NDUFAF2: variants seen among roughly 807,000 people sequenced by gnomAD.
NDUFAF2 encodes NADH dehydrogenase [ubiquinone] 1 alpha subcomplex assembly factor 2.
A neutral mutation model predicts 22.8 loss-of-function variants in NDUFAF2; 13 were observed. That is an observed-to-expected ratio of 0.57 (90% CI 0.37 to 0.91). NDUFAF2 has a LOEUF of 0.91. NDUFAF2 is among the 40% of genes least tolerant of loss of function. The probability of loss-of-function intolerance (pLI) is 0.01; values close to 1 mark genes in which losing one functional copy is unlikely to be tolerated. For missense variants in NDUFAF2, 162 were observed against 195.2 expected, an observed-to-expected ratio of 0.83 and a Z score of 1.01; for synonymous variants, 53 against 64.2, an observed-to-expected ratio of 0.83 and a Z score of 0.84.
intron 1 of NDUFAF2, among the ~76,000 whole-genome samples, chr5:60,997,396 A>G (rs1049289611): frequency 1.3e-5 from 2 of 152,212 alleles, no homozygotes; most frequent in African/African-American, 4.8e-5. Context: ...TGTAAAAATA[A>G]TAAGTTAGCT....
intron 1 of NDUFAF2, among the ~76,000 whole-genome samples, chr5:61,070,431 T>C (rs1440895689): frequency 6.6e-6 from 1 of 152,104 alleles, no homozygotes; most frequent in African/African-American, 2.4e-5. Context: ...GATAAACATA[T>C]CTGATTACAA....
chr5:60,950,153 G>C (rs1166943816), intron 1 of NDUFAF2, among the ~76,000 whole-genome samples: 2 of 151,916 alleles, frequency 1.3e-5, no homozygotes, highest in East Asian at 1.9e-4. Flanking sequence ...TCTTTTTCTT[G>C]TTCCATATCT....
chr5:60,989,664 A>C (rs1370808086), intron 1 of NDUFAF2, among the ~76,000 whole-genome samples: 1 of 152,238 alleles, frequency 6.6e-6, no homozygotes, highest in Non-Finnish European at 1.5e-5. Context: ...CAAATACTGC[A>C]TGTGTTCTCT....
chr5:61,006,840 T>C (rs1751373014), intron 1 of NDUFAF2, among the ~76,000 whole-genome samples: 1 of 152,120 alleles, frequency 6.6e-6, no homozygotes, highest in Admixed American at 6.6e-5. Context: ...TTACTTAAAA[T>C]TAATGATCAT....
intron 1 of NDUFAF2, among the ~76,000 whole-genome samples, chr5:61,032,681 T>C (rs1751743730): frequency 6.6e-6 from 1 of 152,202 alleles, no homozygotes; most frequent in African/African-American, 2.4e-5. Flanking sequence ...TTTGTTCTTT[T>C]TGCTTAGGAT....
chr5:61,003,557 TG>T (rs1383024896), intron 1 of NDUFAF2, among the ~76,000 whole-genome samples: 1 of 151,432 alleles, frequency 6.6e-6, no homozygotes, highest in Non-Finnish European at 1.5e-5. Context: ...CTATGTGAAA[TG>T]TAAATAGCAA....
At chr5:61,112,475 G>A (rs1029272040) in intron 3 of NDUFAF2, among the ~76,000 whole-genome samples, 1 of 152,078 alleles carries the variant, frequency 6.6e-6, no homozygotes, top group Non-Finnish European at 1.5e-5. Flanking sequence ...GCCTCCCAAA[G>A]TGCTGGGATT....
intron 2 of NDUFAF2, among the ~76,000 whole-genome samples, chr5:61,097,878 A>G (rs1752663884): frequency 6.6e-6 from 1 of 152,174 alleles, no homozygotes; most frequent in African/African-American, 2.4e-5. Context: ...AACCATTACT[A>G]CTTAATGTAT....
intron 1 of NDUFAF2, among the ~76,000 whole-genome samples, chr5:61,028,611 A>G (rs1029938680): frequency 2.0e-5 from 3 of 152,078 alleles, no homozygotes; most frequent in Non-Finnish European, 4.4e-5. Context: ...ATTGATGAAC[A>G]TTTTAGTTGT....
intron 3 of NDUFAF2, among the ~76,000 whole-genome samples, chr5:61,112,088 T>G (rs559447795): frequency 6.6e-6 from 1 of 152,186 alleles, no homozygotes; most frequent in South Asian, 2.1e-4. Flanking sequence ...GTCTGTCTCT[T>G]TAGCTCTAAT....
intron 3 of NDUFAF2, among the ~76,000 whole-genome samples, chr5:61,122,200 C>T (rs929617236): frequency 6.6e-6 from 1 of 152,142 alleles, no homozygotes; most frequent in Non-Finnish European, 1.5e-5. Flanking sequence ...CAAATTTGAG[C>T]TTGGACTTGC....
At chr5:61,050,705 G>A (rs1316165704) in intron 1 of NDUFAF2, among the ~76,000 whole-genome samples, 1 of 152,118 alleles carries the variant, frequency 6.6e-6, no homozygotes, top group African/African-American at 2.4e-5. Flanking sequence ...TTTTCTACAT[G>A]TAAAAGATTG....
intron 1 of NDUFAF2, among the ~76,000 whole-genome samples, chr5:60,949,317 G>A (rs1048323410): frequency 6.6e-6 from 1 of 152,082 alleles, no homozygotes; most frequent in African/African-American, 2.4e-5. Context: ...GTAACCTTTT[G>A]AACCTGGCTT....
intron 1 of NDUFAF2, among the ~76,000 whole-genome samples, chr5:60,958,987 T>G (rs1381799474): frequency 6.6e-6 from 1 of 152,138 alleles, no homozygotes; most frequent in Non-Finnish European, 1.5e-5. Flanking sequence ...TATCAAAACC[T>G]ATGTTATCCA....
chr5:61,026,982 C>A (rs564687673), intron 1 of NDUFAF2, among the ~76,000 whole-genome samples: 1 of 150,964 alleles, frequency 6.6e-6, no homozygotes, highest in Non-Finnish European at 1.5e-5. Flanking sequence ...TAACAGGATG[C>A]CCTCAGATAG....
At chr5:61,108,189 G>A (rs1310733224) in intron 3 of NDUFAF2, among the ~76,000 whole-genome samples, 1 of 148,762 alleles carries the variant, frequency 6.7e-6, no homozygotes, top group African/African-American at 2.6e-5. Context: ...ATAGCAGCAT[G>A]ATTTATAGTC....
At chr5:60,960,600 G>A (rs1750670997) in intron 1 of NDUFAF2, among the ~76,000 whole-genome samples, 2 of 152,102 alleles carry the variant, frequency 1.3e-5, no homozygotes, top group South Asian at 4.1e-4. Flanking sequence ...TGACAAGGTT[G>A]CTTTTGAGAT....
intron 1 of NDUFAF2, among the ~76,000 whole-genome samples, chr5:61,021,422 T>C (rs1751582452): frequency 6.6e-6 from 1 of 152,184 alleles, no homozygotes; most frequent in East Asian, 1.9e-4. Context: ...TATCTCCTTC[T>C]ATAAGGATTC....
chr5:61,040,286 A>ACACACACACACTCGCGCGCGCGCGCGCG (rs1491193758), intron 1 of NDUFAF2, among the ~76,000 whole-genome samples: 1 of 93,074 alleles, frequency 1.1e-5, no homozygotes, highest in African/African-American at 4.3e-5. Flanking sequence ...ACACACACAC[A>ACACACACACACTCGCGCGCGCGCGCGCG]CGCGCGCGCG....
Sources: allele counts gnomAD v4.1 joint callset (sites outside exome capture counted in the v4.1 genomes callset), GRCh38; gene constraint gnomAD v4.1.1; transcripts MANE v1.5; gene names NCBI Gene and HGNC (gene_info 2026-07-23, HGNC 2026-07-21).